Variants in KATNAL1 observed in about 807,000 individuals in gnomAD.
The protein encoded by KATNAL1 is katanin catalytic subunit A1 like 1.
Under a neutral mutation model 55.2 loss-of-function variants are expected in KATNAL1, and 32 were observed. That is an observed-to-expected ratio of 0.58 (90% CI 0.44 to 0.78). The LOEUF (loss-of-function observed/expected upper bound fraction) is 0.78. Among genes scored for constraint, KATNAL1 ranks in the 30% least tolerant of loss-of-function variants. The probability of loss-of-function intolerance (pLI) is 0.00; values close to 1 mark genes in which losing one functional copy is unlikely to be tolerated. For missense variants in KATNAL1, 466 were observed against 600.9 expected, an observed-to-expected ratio of 0.78 and a Z score of 2.35; for synonymous variants, 193 against 193.6, an observed-to-expected ratio of 1.00 and a Z score of 0.02.
At chr13:30,226,562 C>T (rs1875491644) in intron 9 of KATNAL1, among the ~76,000 whole-genome samples, 1 of 152,124 alleles carries the variant, frequency 6.6e-6, no homozygotes, top group African/African-American at 2.4e-5. Context: ...AAATCACGTA[C>T]AGTGAATGCC....
chr13:30,252,821 C>T (rs1322256107), intron 4 of KATNAL1, among the ~76,000 whole-genome samples: 1 of 151,984 alleles, frequency 6.6e-6, no homozygotes, highest in African/African-American at 2.4e-5. Context: ...CAGCTCACTG[C>T]AACCTCTGCC....
At chr13:30,247,097 G>GT (rs1566105109) in intron 4 of KATNAL1, among the ~76,000 whole-genome samples, 1 of 152,054 alleles carries the variant, frequency 6.6e-6, no homozygotes, top group African/African-American at 2.4e-5. Flanking sequence ...CACAGAAAAG[G>GT]TAAGTAAATT....
chr13:30,244,134 T>C (rs1390963333), intron 4 of KATNAL1, among the ~76,000 whole-genome samples: 1 of 149,828 alleles, frequency 6.7e-6, no homozygotes, highest in Admixed American at 6.7e-5. Flanking sequence ...CCTGTATCCA[T>C]GTCTTCTCAT....
chr13:30,216,018 T>C (rs549032404), intron 9 of KATNAL1, among the ~76,000 whole-genome samples: 1 of 152,274 alleles, frequency 6.6e-6, no homozygotes, highest in East Asian at 1.9e-4. Flanking sequence ...CAAACGAATA[T>C]GACAGAATAC....
At chr13:30,214,462 C>A (rs568764377) in intron 9 of KATNAL1, among the ~76,000 whole-genome samples, 3,741 of 152,058 alleles carry the variant, frequency 0.025, 67 homozygotes, top group Non-Finnish European at 0.034. Flanking sequence ...CCCACGTCGC[C>A]AAGTCAATCC....
intron 9 of KATNAL1, among the ~76,000 whole-genome samples, chr13:30,213,647 A>C (rs965918727): frequency 1.3e-5 from 2 of 152,232 alleles, no homozygotes; most frequent in African/African-American, 4.8e-5. Flanking sequence ...GTAATCCAGC[A>C]TATAAACAGA....
intron 9 of KATNAL1, among the ~76,000 whole-genome samples, chr13:30,214,623 T>G (rs1874029324): frequency 6.6e-6 from 1 of 152,056 alleles, no homozygotes; most frequent in Non-Finnish European, 1.5e-5. Context: ...ATGCCGCATA[T>G]CTACAACTAT....
At position 30,205,902 on chromosome 13, in the gene KATNAL1, G is replaced by A. The variant is rs1873092487; in HGVS notation, c.*2638C>T. On this transcript the variant is annotated 3_prime_UTR_variant, in exon 11 of 11. Coordinates refer to ENST00000380615, the MANE Select transcript of KATNAL1 (RefSeq NM_032116.5). Reference sequence around the variant, plus strand: ...TAATCCTAGCACTCATTCTGGGTAAGGCAACACACTGTCTTCTGAAATAGT... The same window carrying A: ...TAATCCTAGCACTCATTCTGGGTAAAGCAACACACTGTCTTCTGAAATAGT... 1 of 132,438 alleles carries A rather than the reference G, an allele frequency of 7.6e-6. No individual in the cohort carries two copies. Among genetic ancestry groups the A allele is most frequent in the African/African-American group, 2.8e-5 (1 of 35,554 alleles). 8.2% of individuals were successfully genotyped at this position (132,438 alleles called of 1,614,324 possible).
At chr13:30,297,790 T>G (rs2137566653) in intron 1 of KATNAL1, among the ~76,000 whole-genome samples, 1 of 152,272 alleles carries the variant, frequency 6.6e-6, no homozygotes, top group African/African-American at 2.4e-5. Flanking sequence ...CTACATATTC[T>G]TACATATAAG....
intron 9 of KATNAL1, among the ~76,000 whole-genome samples, chr13:30,217,416 T>C (rs1046790000): frequency 6.6e-6 from 1 of 152,188 alleles, no homozygotes; most frequent in South Asian, 2.1e-4. Flanking sequence ...ATCGCGCCAC[T>C]GCACTCCAGC....
chr13:30,216,692 G>A (rs1258955448), intron 9 of KATNAL1, among the ~76,000 whole-genome samples: 1 of 152,212 alleles, frequency 6.6e-6, no homozygotes, highest in African/African-American at 2.4e-5. Context: ...GAGGGGTAGG[G>A]AGAGAAAGGG....
At chr13:30,297,074 G>A (rs899625866) in intron 1 of KATNAL1, among the ~76,000 whole-genome samples, 1 of 151,564 alleles carries the variant, frequency 6.6e-6, no homozygotes, top group African/African-American at 2.4e-5. Flanking sequence ...GTTTGAGGCT[G>A]CAGTAAGTTA....
intron 8 of KATNAL1, among the ~76,000 whole-genome samples, chr13:30,229,699 C>T (rs1029307008): frequency 6.6e-6 from 1 of 151,928 alleles, no homozygotes; most frequent in African/African-American, 2.4e-5. Flanking sequence ...GCCTGGACAA[C>T]ACAGCAAGAC....
intron 1 of KATNAL1, among the ~76,000 whole-genome samples, chr13:30,302,787 T>A (rs1882941587): frequency 6.6e-6 from 1 of 152,238 alleles, no homozygotes; most frequent in Non-Finnish European, 1.5e-5. Context: ...ATCTTATTCA[T>A]GTATCATGTA....
At chr13:30,259,205 C>T (rs540020874) in intron 3 of KATNAL1, among the ~76,000 whole-genome samples, 5 of 152,114 alleles carry the variant, frequency 3.3e-5, no homozygotes, top group East Asian at 1.9e-4. Flanking sequence ...CTGTACATGG[C>T]GGTGGGCACC....
intron 9 of KATNAL1, among the ~76,000 whole-genome samples, chr13:30,215,165 A>G (rs1464768721): frequency 1.3e-5 from 2 of 151,934 alleles, no homozygotes; most frequent in Non-Finnish European, 2.9e-5. Context: ...CAAAAAACAC[A>G]TGAAAAAAAT....
chr13:30,211,906 A>G (rs1873726642), intron 9 of KATNAL1, among the ~76,000 whole-genome samples: 1 of 152,238 alleles, frequency 6.6e-6, no homozygotes. Context: ...GGTGCCCAGC[A>G]GCAGACCGAA....
chr13:30,206,246 A>C lies in KATNAL1; in HGVS notation c.*2294T>G, dbSNP rs1439983385. On this transcript the variant is annotated 3_prime_UTR_variant, in exon 11 of 11. Transcript: ENST00000380615. ...CAGTGAGCCGAGATCATGCCACTGC[A>C]CTCCAGCCTGGGCGACAGAGCAAGA... 1 of 152,070 alleles carries C rather than the reference A, an allele frequency of 6.6e-6. No homozygotes were observed. The highest frequency in any genetic ancestry group is 2.4e-5 in the African/African-American group (1 of 41,358). The allele number at this position is 152,070 out of a possible 1,614,324, so 9.4% of individuals were successfully genotyped here. A position where few individuals can be genotyped will look rare whatever the true frequency, so the allele number is the denominator to read the frequency against.
intron 1 of KATNAL1, chr13:30,296,088 C>T (rs1350273760): frequency 9.7e-6 from 3 of 307,758 alleles, no homozygotes; most frequent in Non-Finnish European, 1.8e-5. Flanking sequence ...ACTGAGAACG[C>T]GGGTCCACGC....
Sources: gnomAD v4.1 joint callset for allele counts (sites outside exome capture counted in the v4.1 genomes callset) on GRCh38, gnomAD v4.1.1 for gene constraint, MANE v1.5 for transcripts, NCBI Gene and HGNC (gene_info 2026-07-23, HGNC 2026-07-21) for gene names.